RIT2: variants seen among roughly 807,000 people sequenced by gnomAD.
RIT2 encodes the protein GTP-binding protein Rit2.
Under a neutral mutation model 23.7 loss-of-function variants are expected in RIT2, and 24 were observed. The ratio of observed to expected loss-of-function variants is 1.01; its 90% CI spans 0.73 to 1.43. RIT2 has a LOEUF of 1.43. Among genes scored for constraint, RIT2 ranks in the 40% most tolerant of loss-of-function variants. The pLI, the probability that RIT2 is intolerant of heterozygous loss-of-function variation, is 0.00. For synonymous variants in RIT2, 107 were observed against 91.1 expected, an observed-to-expected ratio of 1.17 and a Z score of -0.99; for missense variants, 236 against 266.9, an observed-to-expected ratio of 0.88 and a Z score of 0.81.
At chr18:42,766,285 G>C (rs1490646412) in intron 4 of RIT2, among the ~76,000 whole-genome samples, 1 of 152,168 alleles carries the variant, frequency 6.6e-6, no homozygotes, top group Non-Finnish European at 1.5e-5. Context: ...TGCTGATAGT[G>C]ATACGGACAA....
chr18:42,811,308 T>TA (rs1209086288), intron 4 of RIT2, among the ~76,000 whole-genome samples: 1 of 152,148 alleles, frequency 6.6e-6, no homozygotes, highest in East Asian at 1.9e-4. Context: ...AACATTTTTT[T>TA]ATGTGTACAA....
At chr18:43,101,773 A>G (rs1031745749) in intron 1 of RIT2, among the ~76,000 whole-genome samples, 1 of 152,206 alleles carries the variant, frequency 6.6e-6, no homozygotes, top group Non-Finnish European at 1.5e-5. Context: ...TCTGTGATGA[A>G]GTGGAAGGCA....
intron 3 of RIT2, among the ~76,000 whole-genome samples, chr18:42,933,159 G>A (rs928166652): frequency 6.6e-6 from 1 of 151,988 alleles, no homozygotes; most frequent in Non-Finnish European, 1.5e-5. Flanking sequence ...ATACTTTGAT[G>A]TGCTAACTCT....
At chr18:43,053,788 G>A (rs1013696091) in intron 1 of RIT2, among the ~76,000 whole-genome samples, 1 of 152,044 alleles carries the variant, frequency 6.6e-6, no homozygotes, top group African/African-American at 2.4e-5. Flanking sequence ...AGTAAATGAT[G>A]GAGCATTGTT....
chr18:42,975,659 A>G (rs530031055), intron 2 of RIT2, among the ~76,000 whole-genome samples: 27 of 152,186 alleles, frequency 1.8e-4, no homozygotes, highest in Non-Finnish European at 2.6e-4. Flanking sequence ...GACAACAGTA[A>G]GTGAGCCTGC....
intron 1 of RIT2, among the ~76,000 whole-genome samples, chr18:43,079,154 A>G (rs997588516): frequency 2.0e-5 from 3 of 152,240 alleles, no homozygotes; most frequent in African/African-American, 7.2e-5. Context: ...AGCCTTACAA[A>G]TCATCTAATT....
intron 1 of RIT2, among the ~76,000 whole-genome samples, chr18:43,093,470 T>C (rs1194439569): frequency 1.3e-5 from 2 of 151,950 alleles, no homozygotes; most frequent in Admixed American, 1.3e-4. Flanking sequence ...CAGCAATTTA[T>C]TGTTATAGAC....
At chr18:43,076,013 C>G (rs1913005054) in intron 1 of RIT2, among the ~76,000 whole-genome samples, 1 of 152,116 alleles carries the variant, frequency 6.6e-6, no homozygotes, top group African/African-American at 2.4e-5. Context: ...TAGAAACAAG[C>G]TGAGATGAAG....
At chr18:42,827,303 T>C (rs186888214) in intron 4 of RIT2, among the ~76,000 whole-genome samples, 354 of 152,202 alleles carry the variant, frequency 2.3e-3, no homozygotes, top group Non-Finnish European at 4.1e-3. Flanking sequence ...AAAAATAAAA[T>C]AGCATTAGAT....
At chr18:42,795,967 G>A (rs1045525964) in intron 4 of RIT2, among the ~76,000 whole-genome samples, 12 of 152,090 alleles carry the variant, frequency 7.9e-5, no homozygotes, top group Admixed American at 1.3e-4. Context: ...ACCAATCAGC[G>A]CCCTGTCAAA....
chr18:43,017,178 T>C (rs1911493776), intron 2 of RIT2, among the ~76,000 whole-genome samples: 1 of 152,002 alleles, frequency 6.6e-6, no homozygotes, highest in South Asian at 2.1e-4. Context: ...ATTTTAAAAA[T>C]GATAATTACA....
intron 2 of RIT2, among the ~76,000 whole-genome samples, chr18:43,026,753 A>G (rs1203837322): frequency 6.6e-6 from 1 of 151,856 alleles, no homozygotes; most frequent in Non-Finnish European, 1.5e-5. Context: ...TAGACATCTA[A>G]ATGGAGAAGT....
chr18:43,030,955 C>T (rs775754043), intron 2 of RIT2, among the ~76,000 whole-genome samples: 10 of 152,078 alleles, frequency 6.6e-5, no homozygotes, highest in Non-Finnish European at 1.2e-4. Context: ...TCATCTTTCT[C>T]TCACAGAAGA....
chr18:43,022,511 C>T (rs903927827), intron 2 of RIT2, among the ~76,000 whole-genome samples: 2 of 152,090 alleles, frequency 1.3e-5, no homozygotes, highest in Non-Finnish European at 2.9e-5. Flanking sequence ...ACCCTAAATA[C>T]TGTCATTTGA....
rs1311142246 is a variant in RIT2 at position 42,910,739 on chromosome 18, T to C, written c.426+12833A>G. On this transcript the variant is annotated intron_variant, in intron 4 of 4. Coordinates refer to ENST00000326695, the MANE Select transcript of RIT2 (RefSeq NM_002930.4). Reference sequence around the variant, plus strand: ...GATCATCTTCCCACTCCATCCCCTTTCCAGTGGATTAATTTGCCAAGAATA... The same window carrying C: ...GATCATCTTCCCACTCCATCCCCTTCCCAGTGGATTAATTTGCCAAGAATA... Among the ~76,000 whole-genome samples the C allele has an allele frequency of 3.3e-5, 5 of 152,114 alleles. No homozygotes were observed. The East Asian group carries it at 9.7e-4, about 29-fold the overall frequency.
chr18:43,056,181 C>A (rs1227838775), intron 1 of RIT2, among the ~76,000 whole-genome samples: 1 of 152,004 alleles, frequency 6.6e-6, no homozygotes, highest in African/African-American at 2.4e-5. Context: ...GAAGCCTAAC[C>A]TTACCAGGAG....
At chr18:42,782,091 T>G (rs1234528228) in intron 4 of RIT2, among the ~76,000 whole-genome samples, 1 of 152,194 alleles carries the variant, frequency 6.6e-6, no homozygotes, top group African/African-American at 2.4e-5. Flanking sequence ...ATGTACAGTT[T>G]CTTTGTGTGT....
intron 3 of RIT2, among the ~76,000 whole-genome samples, chr18:42,946,019 C>T (rs1909720100): frequency 6.6e-6 from 1 of 152,024 alleles, no homozygotes; most frequent in African/African-American, 2.4e-5. Context: ...CATACAAAGG[C>T]AAATTTTAAA....
At chr18:42,776,024 G>T (rs184499232) in intron 4 of RIT2, among the ~76,000 whole-genome samples, 246 of 152,298 alleles carry the variant, frequency 1.6e-3, no homozygotes, top group Non-Finnish European at 2.9e-3. Flanking sequence ...AAAGCTCGAA[G>T]ATGGGTTCAA....
Sources: gnomAD v4.1 joint callset for allele counts (sites outside exome capture counted in the v4.1 genomes callset) on GRCh38, gnomAD v4.1.1 for gene constraint, MANE v1.5 for transcripts, NCBI Gene and HGNC (gene_info 2026-07-23, HGNC 2026-07-21) for gene names.